The following ZBTB20 variants were observed in gnomAD, a reference collection of about 807,000 sequenced individuals.
The protein encoded by ZBTB20 is zinc finger and BTB domain containing 20, also known as zinc finger and BTB domain-containing protein 20.
Under a neutral mutation model 56.9 loss-of-function variants are expected in ZBTB20, and 9 were observed. The observed-to-expected ratio is 0.16, with a 90% CI of 0.10 to 0.28. The LOEUF is 0.28. ZBTB20 is among the 10% of genes least tolerant of loss of function. The pLI, the probability that ZBTB20 is intolerant of heterozygous loss-of-function variation, is 1.00. For missense variants in ZBTB20, 655 were observed against 1,003.0 expected (o/e 0.65, Z 4.69); for synonymous variants, 417 against 420.7 (o/e 0.99, Z 0.11).
At position 114,718,055 on chromosome 3, in the gene ZBTB20, C is replaced by T. The variant is rs1424562490; in HGVS notation, c.-342-24480G>A. Among the ~76,000 whole-genome samples the T allele has an allele frequency of 5.9e-5, 9 of 152,212 alleles. No individual in the cohort carries two copies. The East Asian group carries it at 1.7e-3, about 29-fold the overall frequency. ...GTGGACTGTCAGATGTTTTGATGGT[C>T]TGATTTTATGACTTTGATATACAAA... On this transcript the variant is annotated intron_variant, in intron 5 of 11. Coordinates refer to ENST00000675478, the MANE Select transcript of ZBTB20 (RefSeq NM_001348800.3).
intron 6 of ZBTB20, among the ~76,000 whole-genome samples, chr3:114,572,688 A>C (rs2053567188): frequency 6.6e-6 from 1 of 152,198 alleles, no homozygotes; most frequent in South Asian, 2.1e-4. Flanking sequence ...TTTAAAGATT[A>C]TATTTTTACT....
intron 1 of ZBTB20, among the ~76,000 whole-genome samples, chr3:115,123,818 G>T (rs138691487): frequency 6.6e-6 from 1 of 151,992 alleles, no homozygotes; most frequent in Non-Finnish European, 1.5e-5. Context: ...ATAAAAATAC[G>T]TGGCACTAGT....
At chr3:114,893,087 C>T (rs117910155) in intron 4 of ZBTB20, among the ~76,000 whole-genome samples, 2 of 152,222 alleles carry the variant, frequency 1.3e-5, no homozygotes, top group East Asian at 3.9e-4. Flanking sequence ...GGACTTCGCT[C>T]CAAACCTTGT....
intron 7 of ZBTB20, among the ~76,000 whole-genome samples, chr3:114,485,450 G>A (rs1415489567): frequency 6.6e-6 from 1 of 152,210 alleles, no homozygotes; most frequent in East Asian, 1.9e-4. Context: ...TACCCACAGA[G>A]AGCTGTTGTC....
chr3:115,115,362 T>C (rs1007206584), intron 1 of ZBTB20, among the ~76,000 whole-genome samples: 6 of 152,104 alleles, frequency 3.9e-5, no homozygotes, highest in Non-Finnish European at 2.9e-5. Context: ...TGTTTTACTG[T>C]AGGGCAGTAT....
Position 114,525,035 on chromosome 3 carries a change from C to T in ZBTB20, c.-294-24644G>A, listed in dbSNP as rs186225341. 2.1e-3 allele frequency among the ~76,000 whole-genome samples: 326 copies of T among 152,220 alleles called. 1 individual carries two copies. Among genetic ancestry groups the T allele is most frequent in the African/African-American group, 7.4e-3 (308 of 41,544 alleles). Reference sequence around the variant, plus strand: ...GGCCTCCAATTTTGAATACTCTCTACTCTCCCCCTTTGGGACCATCACTAC... The same window carrying T: ...GGCCTCCAATTTTGAATACTCTCTATTCTCCCCCTTTGGGACCATCACTAC... On this transcript the variant is annotated intron_variant, in intron 6 of 11. Transcript: ENST00000675478.
rs142226548 is a variant in ZBTB20, at chr3:114,551,307, C to T, written c.-294-50916G>A. Among the ~76,000 whole-genome samples the T allele has an allele frequency of 4.5e-3, 681 of 152,276 alleles. 13 individuals are homozygous for T. The South Asian group carries it at 0.056, about 13-fold the overall frequency. On this transcript the variant is annotated intron_variant, in intron 6 of 11. Coordinates refer to ENST00000675478, the MANE Select transcript of ZBTB20 (RefSeq NM_001348800.3). ...GATATTTACTGTGTGCCTACTGTGT[C>T]CTGTCCTAAGACACAGTATTAAAGT...
intron 7 of ZBTB20, among the ~76,000 whole-genome samples, chr3:114,394,635 T>TG (rs1246201359): frequency 2.0e-5 from 3 of 152,218 alleles, no homozygotes; most frequent in Admixed American, 1.3e-4. Context: ...GTGGAGCTTG[T>TG]GATCCTGCAT....
chr3:114,822,111 C>T (rs1466124120), intron 4 of ZBTB20, among the ~76,000 whole-genome samples: 2 of 151,866 alleles, frequency 1.3e-5, no homozygotes, highest in Non-Finnish European at 2.9e-5. Context: ...TTTCATTCTG[C>T]GTTAGATGCA....
intron 7 of ZBTB20, among the ~76,000 whole-genome samples, chr3:114,411,662 T>C (rs1160296084): frequency 6.6e-6 from 1 of 152,126 alleles, no homozygotes; most frequent in African/African-American, 2.4e-5. Context: ...TCTTTACCCA[T>C]TATCTACCCT....
At chr3:114,435,438 G>A (rs2090455758) in intron 7 of ZBTB20, among the ~76,000 whole-genome samples, 1 of 152,142 alleles carries the variant, frequency 6.6e-6, no homozygotes. Flanking sequence ...GTTCAGAGAA[G>A]TTACGTAAAT....
At chr3:114,962,164 T>C (rs566722297) in intron 3 of ZBTB20, among the ~76,000 whole-genome samples, 64 of 148,816 alleles carry the variant, frequency 4.3e-4, no homozygotes, top group African/African-American at 1.6e-3. Context: ...CTTTTCCACA[T>C]GCACAGTTGC....
chr3:114,812,935 C>A (rs1052359970), intron 4 of ZBTB20, among the ~76,000 whole-genome samples: 1 of 151,380 alleles, frequency 6.6e-6, no homozygotes, highest in Non-Finnish European at 1.5e-5. Flanking sequence ...GTGGGGCAGG[C>A]CGGCCGCTCC....
intron 6 of ZBTB20, chr3:114,519,952 C>G (rs1054732481): frequency 1.3e-5 from 2 of 151,542 alleles, no homozygotes; most frequent in African/African-American, 4.9e-5. Context: ...ACAAGTAAAC[C>G]TACTGAGGTT....
intron 5 of ZBTB20, among the ~76,000 whole-genome samples, chr3:114,711,781 C>G (rs901569301): frequency 6.6e-6 from 1 of 152,126 alleles, no homozygotes; most frequent in Non-Finnish European, 1.5e-5. Context: ...ATGTCAAGAA[C>G]ATTGCTGAGC....
intron 6 of ZBTB20, among the ~76,000 whole-genome samples, chr3:114,637,624 C>T (rs528011369): frequency 6.6e-6 from 1 of 152,144 alleles, no homozygotes; most frequent in East Asian, 1.9e-4. Flanking sequence ...TAAATTATGT[C>T]TAGACTTCTG....
At chr3:114,523,542 GAT>G (rs1048991163) in intron 6 of ZBTB20, among the ~76,000 whole-genome samples, 2 of 152,172 alleles carry the variant, frequency 1.3e-5, no homozygotes, top group African/African-American at 4.8e-5. Context: ...ACAGAAGAAA[GAT>G]GTGAGCTTTT....
intron 6 of ZBTB20, among the ~76,000 whole-genome samples, chr3:114,659,754 C>A (rs1290123166): frequency 2.0e-5 from 3 of 152,072 alleles, no homozygotes; most frequent in Non-Finnish European, 2.9e-5. Context: ...AAACAACAAG[C>A]CTTGTGATCA....
chr3:115,114,846 A>C (rs2083975833), intron 1 of ZBTB20, among the ~76,000 whole-genome samples: 1 of 152,154 alleles, frequency 6.6e-6, no homozygotes, highest in Non-Finnish European at 1.5e-5. Context: ...AATATACATT[A>C]GAGCGCATAG....
Sources: allele counts gnomAD v4.1 joint callset (sites outside exome capture counted in the v4.1 genomes callset), GRCh38; gene constraint gnomAD v4.1.1; transcripts MANE v1.5; gene names NCBI Gene and HGNC (gene_info 2026-07-23, HGNC 2026-07-21).